PRR16: variants seen among roughly 807,000 people sequenced by gnomAD.
PRR16 encodes the protein proline rich 16, also known as protein Largen.
Under a neutral mutation model 18.2 loss-of-function variants are expected in PRR16, and 6 were observed. The ratio of observed to expected loss-of-function variants is 0.33; its 90% CI spans 0.18 to 0.65. The LOEUF (loss-of-function observed/expected upper bound fraction) is 0.65, where lower values mean the gene tolerates loss of function less well. Among genes scored for constraint, PRR16 ranks in the 30% least tolerant of loss-of-function variants. The pLI is 0.74. For synonymous variants in PRR16, 151 were observed against 147.8 expected (o/e 1.02, Z -0.16); for missense variants, 412 against 376.6 (o/e 1.09, Z -0.78).
At chr5:120,684,443 G>T (rs6595252) in intron 1 of PRR16, among the ~76,000 whole-genome samples, 143,362 of 152,224 alleles carry the variant, frequency 0.94, 67,966 homozygotes, top group East Asian at 1. Flanking sequence ...CAACTTCACA[G>T]TTGATTAAAC....
At chr5:120,650,726 A>G (rs1253574920) in intron 1 of PRR16, among the ~76,000 whole-genome samples, 1 of 152,030 alleles carries the variant, frequency 6.6e-6, no homozygotes, top group Non-Finnish European at 1.5e-5. Flanking sequence ...CCAGTCTATC[A>G]TTGTTGGACA....
At chr5:120,780,663 GT>G in the PRR16 span, among the ~76,000 whole-genome samples, 52 of 152,074 alleles carry the variant, frequency 3.4e-4, no homozygotes, top group Middle Eastern at 3.4e-3. Flanking sequence ...GCTTTTCAAC[GT>G]TTTTTTACAA....
chr5:120,792,147 T>TA, the PRR16 span, among the ~76,000 whole-genome samples: 299 of 152,234 alleles, frequency 2.0e-3, 2 homozygotes, highest in Non-Finnish European at 3.2e-3. Context: ...GCATATGTGA[T>TA]AAAAAATATA....
intron 1 of PRR16, among the ~76,000 whole-genome samples, chr5:120,667,418 T>C (rs185891342): frequency 2.6e-5 from 4 of 152,304 alleles, no homozygotes; most frequent in East Asian, 3.9e-4. Context: ...CCTGGATTCA[T>C]TAATTTTTTG....
At chr5:120,653,040 G>C (rs1755844423) in intron 1 of PRR16, among the ~76,000 whole-genome samples, 1 of 151,934 alleles carries the variant, frequency 6.6e-6, no homozygotes, top group African/African-American at 2.4e-5. Flanking sequence ...AGACATAAGA[G>C]TGTGTATGAG....
At chr5:120,734,980 G>A in the PRR16 span, among the ~76,000 whole-genome samples, 30 of 152,090 alleles carry the variant, frequency 2.0e-4, no homozygotes, top group Admixed American at 1.6e-3. Context: ...TTTTCATTTT[G>A]GGAAGCTGAA....
chr5:120,671,858 T>A (rs997824760), intron 1 of PRR16, among the ~76,000 whole-genome samples: 2 of 152,180 alleles, frequency 1.3e-5, no homozygotes, highest in African/African-American at 4.8e-5. Flanking sequence ...CTCATGAACA[T>A]AACTTATTTA....
At chr5:120,661,481 C>T (rs1200203000) in intron 1 of PRR16, among the ~76,000 whole-genome samples, 1 of 152,090 alleles carries the variant, frequency 6.6e-6, no homozygotes, top group Non-Finnish European at 1.5e-5. Flanking sequence ...TTATTCCTTT[C>T]AGAGAAATTA....
the PRR16 span, among the ~76,000 whole-genome samples, chr5:120,718,649 G>A: frequency 6.6e-6 from 1 of 151,736 alleles, no homozygotes; most frequent in African/African-American, 2.4e-5. Flanking sequence ...ACAATACGTA[G>A]TTACAATCCA....
At chr5:120,750,133 T>C in the PRR16 span, among the ~76,000 whole-genome samples, 1 of 152,164 alleles carries the variant, frequency 6.6e-6, no homozygotes, top group Non-Finnish European at 1.5e-5. Flanking sequence ...GAGTGTAATA[T>C]TTTTGTGGGA....
the PRR16 span, among the ~76,000 whole-genome samples, chr5:120,770,018 T>A: frequency 6.6e-6 from 1 of 152,006 alleles, no homozygotes; most frequent in East Asian, 1.9e-4. Flanking sequence ...GAAAAAAATG[T>A]CTCTTCAAGT....
intron 1 of PRR16, among the ~76,000 whole-genome samples, chr5:120,645,138 A>G (rs1210731780): frequency 1.3e-5 from 2 of 152,128 alleles, no homozygotes; most frequent in African/African-American, 2.4e-5. Context: ...CTGTTATGGA[A>G]ACAAGACATG....
chr5:120,542,834 G>A (rs969650288), intron 1 of PRR16, among the ~76,000 whole-genome samples: 33 of 152,094 alleles, frequency 2.2e-4, no homozygotes, highest in Admixed American at 9.8e-4. Flanking sequence ...CTCTTGTGAC[G>A]ACACCTAAGA....
intron 1 of PRR16, among the ~76,000 whole-genome samples, chr5:120,550,714 G>A (rs1043335860): frequency 6.6e-6 from 1 of 151,968 alleles, no homozygotes; most frequent in Non-Finnish European, 1.5e-5. Flanking sequence ...CTTCAACATA[G>A]CCATTTCCAC....
intron 1 of PRR16, among the ~76,000 whole-genome samples, chr5:120,681,795 T>C (rs957571027): frequency 6.6e-6 from 1 of 152,228 alleles, no homozygotes; most frequent in African/African-American, 2.4e-5. Flanking sequence ...CCACTGTTAC[T>C]TGTGGGAAGA....
chr5:120,475,494 T>C (rs997562924), intron 1 of PRR16, among the ~76,000 whole-genome samples: 3 of 152,080 alleles, frequency 2.0e-5, no homozygotes, highest in African/African-American at 7.2e-5. Context: ...TTTTGACACT[T>C]TGAGAGGCAG....
chr5:120,466,398 G>A (rs1170029300), intron 1 of PRR16, among the ~76,000 whole-genome samples: 2 of 152,282 alleles, frequency 1.3e-5, no homozygotes, highest in East Asian at 1.9e-4. Flanking sequence ...GCACAGAAAC[G>A]TATTTACTGT....
chr5:120,792,945 G>A, the PRR16 span, among the ~76,000 whole-genome samples: 1 of 149,274 alleles, frequency 6.7e-6, no homozygotes, highest in East Asian at 1.9e-4. Context: ...TTGAGCTTAG[G>A]AGTTCGAGAC....
chr5:120,608,959 G>A (rs1754244814), intron 1 of PRR16, among the ~76,000 whole-genome samples: 1 of 152,090 alleles, frequency 6.6e-6, no homozygotes, highest in African/African-American at 2.4e-5. Flanking sequence ...TCTCCTGATG[G>A]TCTTGGTATT....
Sources: gnomAD v4.1 joint callset for allele counts (sites outside exome capture counted in the v4.1 genomes callset) on GRCh38, gnomAD v4.1.1 for gene constraint, MANE v1.5 for transcripts, NCBI Gene and HGNC (gene_info 2026-07-23, HGNC 2026-07-21) for gene names.